The following FHIT variants were observed in gnomAD, a reference collection of about 807,000 sequenced individuals.
FHIT encodes the protein fragile histidine triad diadenosine triphosphatase, also known as bis(5'-adenosyl)-triphosphatase.
Under a neutral mutation model 17.9 loss-of-function variants are expected in FHIT, and 19 were observed. That is an observed-to-expected ratio of 1.06 (90% CI 0.74 to 1.56). The LOEUF is 1.56. Among genes scored for constraint, FHIT ranks in the 40% most tolerant of loss-of-function variants. The pLI, the probability that FHIT is intolerant of heterozygous loss-of-function variation, is 0.00. For missense variants in FHIT, 248 were observed against 189.2 expected, an observed-to-expected ratio of 1.31 and a Z score of -1.82; for synonymous variants, 81 against 69.7, an observed-to-expected ratio of 1.16 and a Z score of -0.81.
chr3:60,954,655 A>G (rs1285100343), intron 3 of FHIT, among the ~76,000 whole-genome samples: 1 of 152,222 alleles, frequency 6.6e-6, no homozygotes, highest in African/African-American at 2.4e-5. Context: ...GTTAGAGACA[A>G]TAACAAATTA....
At chr3:60,654,835 AT>A (rs2040077364) in intron 4 of FHIT, among the ~76,000 whole-genome samples, 1 of 152,204 alleles carries the variant, frequency 6.6e-6, no homozygotes, top group South Asian at 2.1e-4. Context: ...GACAGAGCAA[AT>A]GTCAATTAAA....
chr3:59,780,848 T>C (rs1189962294), intron 8 of FHIT, among the ~76,000 whole-genome samples: 4 of 152,206 alleles, frequency 2.6e-5, no homozygotes, highest in Non-Finnish European at 5.9e-5. Context: ...TATATTCTCT[T>C]ATAGCAGCTT....
At chr3:60,981,295 C>CT (rs71100934) in intron 3 of FHIT, among the ~76,000 whole-genome samples, 57 of 124,508 alleles carry the variant, frequency 4.6e-4, no homozygotes, top group Non-Finnish European at 5.7e-4. Context: ...TTCTTCCTTC[C>CT]TTTTTTTTTT....
intron 5 of FHIT, among the ~76,000 whole-genome samples, chr3:60,513,716 A>G (rs917726953): frequency 2.6e-4 from 39 of 151,982 alleles, no homozygotes; most frequent in Non-Finnish European, 1.0e-4. Flanking sequence ...GACAGGAAGC[A>G]GGAGGGAAGG....
Position 60,116,685 on chromosome 3 carries a change from C to A in FHIT, c.104-102533G>T, listed in dbSNP as rs183590166. On this transcript the variant is annotated intron_variant, in intron 5 of 9. Transcript: ENST00000492590. ...CTAATGGTGAAATAAAAAGTAGCCC[C>A]AATATTAAAGCAATTCCAAGGATCA... 1.1e-4 allele frequency among the ~76,000 whole-genome samples: 17 copies of A among 152,088 alleles called. No individual in the cohort carries two copies. The South Asian group carries it at 1.7e-3, about 15-fold the overall frequency.
chr3:60,113,345 C>T (rs1045329837), intron 5 of FHIT, among the ~76,000 whole-genome samples: 7 of 150,324 alleles, frequency 4.7e-5, no homozygotes, highest in African/African-American at 1.8e-4. Flanking sequence ...CTACAGAAAC[C>T]TTACCAATAA....
At chr3:60,700,291 T>C (rs1432977425) in intron 4 of FHIT, among the ~76,000 whole-genome samples, 1 of 152,202 alleles carries the variant, frequency 6.6e-6, no homozygotes, top group Non-Finnish European at 1.5e-5. Context: ...CATCTTTTTC[T>C]AGTTTCATAC....
chr3:60,229,013 G>T (rs1559745156), intron 5 of FHIT, among the ~76,000 whole-genome samples: 1 of 152,158 alleles, frequency 6.6e-6, no homozygotes, highest in Admixed American at 6.5e-5. Flanking sequence ...TCACACTCTT[G>T]AGTGACACAC....
chr3:59,841,638 A>G (rs77045827), intron 8 of FHIT, among the ~76,000 whole-genome samples: 2,590 of 152,232 alleles, frequency 0.017, 33 homozygotes, highest in Middle Eastern at 0.024. Flanking sequence ...CCTAATAAAC[A>G]TCTTGTACTC....
At chr3:61,228,958 C>A (rs2040034684) in intron 1 of FHIT, among the ~76,000 whole-genome samples, 3 of 152,074 alleles carry the variant, frequency 2.0e-5, no homozygotes, top group African/African-American at 7.2e-5. Context: ...CTTTTCTTAC[C>A]ATGCGGAAGG....
At position 60,772,828 on chromosome 3, in the gene FHIT, T is replaced by C. The variant is rs531495214; in HGVS notation, c.-18+49091A>G. On this transcript the variant is annotated intron_variant, in intron 4 of 9. Transcript: ENST00000492590. Reference sequence around the variant, plus strand: ...AGGTTTTTTGCATGTCTGGCACCCATGGCTCTACTTGGACCCACCAACTGA... The same window carrying C: ...AGGTTTTTTGCATGTCTGGCACCCACGGCTCTACTTGGACCCACCAACTGA... 4.6e-5 allele frequency among the ~76,000 whole-genome samples: 7 copies of C among 152,292 alleles called. No individual in the cohort carries two copies. The South Asian group carries it at 8.3e-4, about 18-fold the overall frequency.
chr3:60,620,794 C>T (rs781824258), intron 4 of FHIT, among the ~76,000 whole-genome samples: 2 of 152,032 alleles, frequency 1.3e-5, no homozygotes, highest in African/African-American at 4.8e-5. Flanking sequence ...ATAACATAAC[C>T]TACAGACTTG....
chr3:60,983,595 T>C (rs1386483560), intron 3 of FHIT, among the ~76,000 whole-genome samples: 1 of 152,186 alleles, frequency 6.6e-6, no homozygotes, highest in Non-Finnish European at 1.5e-5. Flanking sequence ...CCTTTGGCCC[T>C]TGGCAGCAAC....
intron 8 of FHIT, among the ~76,000 whole-genome samples, chr3:59,871,788 C>T (rs1702936394): frequency 6.6e-6 from 1 of 152,108 alleles, no homozygotes; most frequent in South Asian, 2.1e-4. Context: ...TTTAGCACTC[C>T]ACATAGAGTT....
chr3:60,268,963 T>C (rs1186788755), intron 5 of FHIT, among the ~76,000 whole-genome samples: 1 of 152,010 alleles, frequency 6.6e-6, no homozygotes, highest in Admixed American at 6.6e-5. Context: ...GCTTTAAAGA[T>C]AGAGGAAGGG....
At chr3:60,008,813 C>T (rs191909875) in intron 7 of FHIT, among the ~76,000 whole-genome samples, 2 of 152,204 alleles carry the variant, frequency 1.3e-5, no homozygotes, top group Admixed American at 6.5e-5. Context: ...AAAGATGCTG[C>T]TTTGTCCCCT....
At chr3:61,182,252 C>T (rs1004926845) in intron 2 of FHIT, among the ~76,000 whole-genome samples, 18 of 152,114 alleles carry the variant, frequency 1.2e-4, no homozygotes, top group Admixed American at 2.6e-4. Flanking sequence ...TTGTATTCCA[C>T]GGTTAAAGTA....
chr3:60,410,656 A>G (rs963819285), intron 5 of FHIT, among the ~76,000 whole-genome samples: 3 of 152,200 alleles, frequency 2.0e-5, no homozygotes, highest in African/African-American at 7.2e-5. Context: ...TCAAATTTCC[A>G]TATGTAAGAT....
intron 8 of FHIT, among the ~76,000 whole-genome samples, chr3:59,826,694 A>G (rs939692270): frequency 1.3e-5 from 2 of 152,262 alleles, no homozygotes; most frequent in African/African-American, 4.8e-5. Context: ...TGTGTCTCAT[A>G]CATGCTGCTG....
Sources: gnomAD v4.1 joint callset for allele counts (sites outside exome capture counted in the v4.1 genomes callset) on GRCh38, gnomAD v4.1.1 for gene constraint, MANE v1.5 for transcripts, NCBI Gene and HGNC (gene_info 2026-07-23, HGNC 2026-07-21) for gene names.